Variants in ARID2 observed in about 807,000 individuals in gnomAD.
The protein encoded by ARID2 is AT-rich interaction domain 2.
A neutral mutation model predicts 184.6 loss-of-function variants in ARID2; 32 were observed. That is an observed-to-expected ratio of 0.17 (90% CI 0.13 to 0.23). The LOEUF (loss-of-function observed/expected upper bound fraction) is 0.23, where lower values mean the gene tolerates loss of function less well. Among genes scored for constraint, ARID2 ranks in the 10% least tolerant of loss-of-function variants. ARID2 has a pLI of 1.00. For missense variants in ARID2, 1,696 were observed against 2,197.6 expected (o/e 0.77, Z 4.56); for synonymous variants, 836 against 772.6 (o/e 1.08, Z -1.36).
chr12:45,730,217 G>C, intron 2 of ARID2, 80 bp downstream of exon 2: 1 of 1,402,552 alleles, frequency 7.1e-7, no homozygotes. Context: ...GTGGGCGCTT[G>C]GGGCTGGGGG....
chr12:45,853,280 A>G (rs896988683), intron 15 of ARID2, among the ~76,000 whole-genome samples: 1 of 152,114 alleles, frequency 6.6e-6, no homozygotes, highest in African/African-American at 2.4e-5. Flanking sequence ...TTTGATTTTG[A>G]CCTGAGTGTG....
chr12:45,754,826 A>G (rs765964913), intron 3 of ARID2, among the ~76,000 whole-genome samples: 1 of 152,218 alleles, frequency 6.6e-6, no homozygotes, highest in Non-Finnish European at 1.5e-5. Flanking sequence ...ATTAGTGCAT[A>G]GGAGTTACCT....
chr12:45,868,932 G>T lies in ARID2; in HGVS notation c.4922+7983G>T, dbSNP rs908460753. 6.6e-5 allele frequency among the ~76,000 whole-genome samples: 10 copies of T among 152,144 alleles called. 1 individual carries two copies. The highest frequency in any genetic ancestry group is 2.4e-4 in the African/African-American group (10 of 41,430). ...GCAACTACTTTATACTAGGCACTGT[G>T]CCGGGTTTTGAAATTAGAGTGATGT... On this transcript the variant is annotated intron_variant, in intron 16 of 20. Transcript: ENST00000334344.
chr12:45,799,936 A>G (rs1942463955), intron 3 of ARID2, among the ~76,000 whole-genome samples: 1 of 152,036 alleles, frequency 6.6e-6, no homozygotes, highest in Non-Finnish European at 1.5e-5. Flanking sequence ...TGCATCTTCT[A>G]CTTCCCAGGC....
At chr12:45,798,752 C>T (rs1056237150) in intron 3 of ARID2, among the ~76,000 whole-genome samples, 1 of 152,060 alleles carries the variant, frequency 6.6e-6, no homozygotes, top group Non-Finnish European at 1.5e-5. Context: ...AGCTCTTCAA[C>T]GTAGTAAATT....
At position 45,856,075 on chromosome 12, in the gene ARID2, T is replaced by C. The variant is rs867065754; in HGVS notation, c.4773+3179T>C. ...TTTTTCTTTCTTCTTTTCTTTTTTTTTTTTTTTTTTTTTTTTTGAGACACA... is the reference window on the plus strand; with the variant it reads ...TTTTTCTTTCTTCTTTTCTTTTTTTCTTTTTTTTTTTTTTTTTGAGACACA... On this transcript the variant is annotated intron_variant, in intron 15 of 20. Transcript: ENST00000334344. 2.0e-3 allele frequency among the ~76,000 whole-genome samples: 246 copies of C among 125,880 alleles called. 2 individuals are homozygous for C. The South Asian group carries it at 0.06, about 31-fold the overall frequency. The allele number at this position is 125,880 out of a possible 152,430, so 82.6% of individuals were successfully genotyped here.
At chr12:45,789,556 G>A (rs1297399312) in intron 3 of ARID2, 1 of 151,918 alleles carries the variant, frequency 6.6e-6, no homozygotes, top group Non-Finnish European at 1.5e-5. Flanking sequence ...TATTAAATTA[G>A]CCTTGATAAC....
At position 45,905,496 on chromosome 12, in the gene ARID2, C is replaced by T. The variant is rs1017083472; in HGVS notation, c.*418C>T. 4.3e-6 allele frequency: 1 copy of T among 233,706 alleles called. No individual in the cohort carries two copies. The highest frequency in any genetic ancestry group is 6.1e-5 in the East Asian group (1 of 16,504). The allele number at this position is 233,706 out of a possible 1,614,324, so 14.5% of individuals were successfully genotyped here. ...AAAAAGGAGCACATTTTTATATTTACAAAACCGTTTAAGCTGGTTTGAATA... is the reference window on the plus strand; with the variant it reads ...AAAAAGGAGCACATTTTTATATTTATAAAACCGTTTAAGCTGGTTTGAATA... On this transcript the variant is annotated 3_prime_UTR_variant, in exon 21 of 21. Transcript: ENST00000334344.
At chr12:45,824,347 T>C (rs1211721027) in intron 6 of ARID2, among the ~76,000 whole-genome samples, 2 of 151,996 alleles carry the variant, frequency 1.3e-5, no homozygotes, top group African/African-American at 4.8e-5. Flanking sequence ...ACTGAAAGCT[T>C]TTCCTTGAAA....
At chr12:45,873,618 A>G (rs1400934178) in intron 16 of ARID2, among the ~76,000 whole-genome samples, 1 of 152,248 alleles carries the variant, frequency 6.6e-6, no homozygotes, top group African/African-American at 2.4e-5. Flanking sequence ...CCAGATCACC[A>G]CAAGAAGGCA....
At chr12:45,853,355 G>A (rs866319493) in intron 15 of ARID2, among the ~76,000 whole-genome samples, 6 of 152,028 alleles carry the variant, frequency 3.9e-5, no homozygotes, top group South Asian at 2.1e-4. Flanking sequence ...TTTATCAGTC[G>A]TATTCTTTTT....
At chr12:45,853,256 T>C (rs1409686484) in intron 15 of ARID2, among the ~76,000 whole-genome samples, 1 of 152,166 alleles carries the variant, frequency 6.6e-6, no homozygotes, top group Admixed American at 6.6e-5. Context: ...GTACTCTAAA[T>C]GGGGATTTCT....
At chr12:45,816,369 G>A (rs1942802876) in intron 4 of ARID2, among the ~76,000 whole-genome samples, 1 of 152,166 alleles carries the variant, frequency 6.6e-6, no homozygotes, top group South Asian at 2.1e-4. Context: ...GAGAAAATAT[G>A]TGCAAAGCAA....
In ARID2 at chr12:45,755,713, T is replaced by C. The variant is rs543608675; in HGVS notation, c.284+24399T>C. 5.9e-5 allele frequency among the ~76,000 whole-genome samples: 9 copies of C among 152,338 alleles called. No homozygotes were observed. The East Asian group carries it at 1.4e-3, about 23-fold the overall frequency. Reference sequence around the variant, plus strand: ...CTGGAAGGAACTTTTTACAACTTCATCTCTGAGCTCACTTTTTTTTTAAAC... The same window carrying C: ...CTGGAAGGAACTTTTTACAACTTCACCTCTGAGCTCACTTTTTTTTTAAAC... On this transcript the variant is annotated intron_variant, in intron 3 of 20. Coordinates refer to ENST00000334344, the MANE Select transcript of ARID2 (RefSeq NM_152641.4).
chr12:45,827,176 G>A (rs1592101244), intron 6 of ARID2, among the ~76,000 whole-genome samples: 1 of 151,744 alleles, frequency 6.6e-6, no homozygotes, highest in East Asian at 1.9e-4. Flanking sequence ...TTCACAAGAA[G>A]TATACCATCT....
At chr12:45,882,851 A>G (rs912537108) in intron 16 of ARID2, among the ~76,000 whole-genome samples, 2 of 152,248 alleles carry the variant, frequency 1.3e-5, no homozygotes, top group African/African-American at 4.8e-5. Context: ...TGGTATTAGC[A>G]CAATGCCTTG....
At chr12:45,730,562 T>A (rs1565574204) in intron 2 of ARID2, among the ~76,000 whole-genome samples, 3 of 152,170 alleles carry the variant, frequency 2.0e-5, no homozygotes, top group East Asian at 3.9e-4. Flanking sequence ...ACACAGACTC[T>A]GAGAGCAGTT....
chr12:45,808,590 A>G (rs1322853551), intron 3 of ARID2, among the ~76,000 whole-genome samples: 1 of 152,116 alleles, frequency 6.6e-6, no homozygotes, highest in Non-Finnish European at 1.5e-5. Flanking sequence ...ATGGTTTATT[A>G]TGAGTATATA....
intron 16 of ARID2, among the ~76,000 whole-genome samples, chr12:45,866,264 A>G (rs1003131258): frequency 1.3e-5 from 2 of 152,100 alleles, no homozygotes; most frequent in African/African-American, 4.8e-5. Context: ...TGGTAAATAG[A>G]ACTGCTCGTC....
Sources: gnomAD v4.1 joint callset for allele counts (sites outside exome capture counted in the v4.1 genomes callset) on GRCh38, gnomAD v4.1.1 for gene constraint, MANE v1.5 for transcripts, NCBI Gene and HGNC (gene_info 2026-07-23, HGNC 2026-07-21) for gene names.